The following AKAP11 variants were observed in gnomAD, a reference collection of about 807,000 sequenced individuals.
AKAP11 encodes A-kinase anchor protein 11.
In AKAP11, 36 loss-of-function variants were observed where a neutral mutation model predicts 146.1. That is an observed-to-expected ratio of 0.25 (90% CI 0.19 to 0.33). AKAP11 has a LOEUF of 0.33. Among genes scored for constraint, AKAP11 ranks in the 10% least tolerant of loss-of-function variants. AKAP11 has a pLI of 1.00. For missense variants in AKAP11, 2,201 were observed against 2,197.0 expected (o/e 1.00, Z -0.04); for synonymous variants, 780 against 786.5 (o/e 0.99, Z 0.14).
At chr13:42,293,419 T>A (rs911756731) in intron 4 of AKAP11, among the ~76,000 whole-genome samples, 2 of 152,198 alleles carry the variant, frequency 1.3e-5, no homozygotes, top group African/African-American at 4.8e-5. Context: ...CTATTTGACG[T>A]CATTTCATAG....
At position 42,303,766 on chromosome 13, in the gene AKAP11, G is replaced by A. The variant is rs771955153; in HGVS notation, c.5020G>A (p.Asp1674Asn). The change falls in exon 8 of 13, where the codon GAC (aspartate) becomes AAC (asparagine). Residue 1674 changes from aspartate (D) to asparagine (N), a missense_variant. Around this residue, in one of 3 missense-constraint regions of AKAP11, gnomAD observed 1,867 missense variants for 1,833.5 expected, o/e 1.02. Transcript: ENST00000025301. ...GCTGAGCAGTACCAGCCTGGCAGCC[G>A]ACAGTGGGATCGGACAGGAGGGTGC... ...RELSSTSLAADSGIGQEGASF... is the reference protein window; with the variant it reads ...RELSSTSLAANSGIGQEGASF... The A allele has an allele frequency of 2.3e-5, 37 of 1,613,992 alleles. No homozygotes were observed. The highest frequency in any genetic ancestry group is 5.3e-5 in the African/African-American group (4 of 74,926).
chr13:42,272,765 T>C (rs571948293), intron 1 of AKAP11, among the ~76,000 whole-genome samples: 39 of 152,310 alleles, frequency 2.6e-4, no homozygotes, highest in Non-Finnish European at 3.5e-4. Context: ...CCTCAGAGTA[T>C]TGATATTTGG....
chr13:42,306,357 TG>T (rs897349491), intron 8 of AKAP11, among the ~76,000 whole-genome samples: 4 of 152,124 alleles, frequency 2.6e-5, no homozygotes, highest in Admixed American at 6.6e-5. Context: ...CCCACCCTCA[TG>T]GGAAGAAAAG....
At chr13:42,283,099 C>T (rs1233057545) in intron 1 of AKAP11, among the ~76,000 whole-genome samples, 1 of 152,134 alleles carries the variant, frequency 6.6e-6, no homozygotes, top group Non-Finnish European at 1.5e-5. Flanking sequence ...GCATCATTTC[C>T]AAAGATGATT....
chr13:42,301,472 A>G lies in AKAP11; in HGVS notation c.2726A>G (p.Lys909Arg). 6.2e-7 allele frequency: 1 copy of G among 1,613,336 alleles called. No homozygotes were observed. The highest frequency in any genetic ancestry group is 8.5e-7 in the Non-Finnish European group (1 of 1,179,794). ...GATGAACGTACAGATTATTTAACTAAATCTTTAAAGGAGAAAACCCCTCCA... is the reference window on the plus strand; with the variant it reads ...GATGAACGTACAGATTATTTAACTAGATCTTTAAAGGAGAAAACCCCTCCA... The part of the protein sequence containing the change: ...MVDERTDYLT[K>R]SLKEKTPPFS... The change falls in exon 8 of 13, where the codon AAA becomes AGA. Residue 909 changes from lysine to arginine, a missense_variant. Lys to Arg is a conservative substitution (Grantham distance 26). Coordinates refer to ENST00000025301, the MANE Select transcript of AKAP11 (RefSeq NM_016248.4).
chr13:42,300,147 T>G lies in AKAP11; in HGVS notation c.1401T>G (p.Phe467Leu), dbSNP rs1959774809. The G allele has an allele frequency of 4.3e-6, 7 of 1,614,000 alleles. No individual in the cohort carries two copies. In the East Asian group the frequency reaches 1.3e-4, roughly 31 times the overall value. ...GAGGCTGTACTCCAGCTGAATGTTT[T>G]TGCCAAACAGATATTGGTGGAGATA... ...PLGGCTPAEC[F>L]CQTDIGGDRI... is the part of the protein sequence containing the mutation. Residue 467 changes from phenylalanine to leucine, a missense_variant, in exon 8 of 13, where the codon TTT (phenylalanine) becomes TTG (leucine). Phe to Leu is a conservative substitution (Grantham distance 22). This residue lies in a region of AKAP11 where 1,867 missense variants were observed against 1,833.5 expected (regional missense o/e 1.02). Coordinates refer to ENST00000025301, the MANE Select transcript of AKAP11 (RefSeq NM_016248.4).
At chr13:42,306,480 A>G (rs1217992779) in intron 8 of AKAP11, among the ~76,000 whole-genome samples, 2 of 152,188 alleles carry the variant, frequency 1.3e-5, no homozygotes, top group East Asian at 3.8e-4. Flanking sequence ...GTGAGTAGAT[A>G]GCCCCTAAAG....
chr13:42,277,181 AG>A (rs1958943573), intron 1 of AKAP11, among the ~76,000 whole-genome samples: 1 of 152,252 alleles, frequency 6.6e-6, no homozygotes, highest in Non-Finnish European at 1.5e-5. Flanking sequence ...TATTTTTGAA[AG>A]TCAAATATAT....
intron 1 of AKAP11, among the ~76,000 whole-genome samples, chr13:42,276,171 C>A (rs146515840): frequency 7.9e-5 from 12 of 152,252 alleles, no homozygotes; most frequent in African/African-American, 2.6e-4. Flanking sequence ...GTGGATTATT[C>A]TTAGAGTAAC....
rs1379501379 is a variant in AKAP11 at position 42,286,322 on chromosome 13, A to G, written c.-27A>G. 1 of 1,524,212 alleles carries G rather than the reference A, an allele frequency of 6.6e-7. No homozygotes were observed. The highest frequency in any genetic ancestry group is 8.9e-7 in the Non-Finnish European group (1 of 1,121,534). 94.4% of individuals were successfully genotyped at this position (1,524,212 alleles called of 1,614,324 possible). The stretch of plus-strand genomic sequence containing the variant: ...TAGGTGTTTTGTGGATTAACTCTTC[A>G]TTGATTATATACAACAAAAAATAGT... On this transcript the variant is annotated 5_prime_UTR_variant, in exon 3 of 13. Coordinates refer to ENST00000025301, the MANE Select transcript of AKAP11 (RefSeq NM_016248.4).
chr13:42,288,942 AG>A (rs1203473067), intron 3 of AKAP11, among the ~76,000 whole-genome samples: 1 of 152,212 alleles, frequency 6.6e-6, no homozygotes, highest in Non-Finnish European at 1.5e-5. Context: ...GGGTGATGTG[AG>A]GACAGAATTT....
intron 9 of AKAP11, among the ~76,000 whole-genome samples, chr13:42,312,845 A>G (rs1368352203): frequency 6.6e-6 from 1 of 152,240 alleles, no homozygotes; most frequent in East Asian, 1.9e-4. Context: ...TTGAGAAGAA[A>G]GAAAAAACTC....
rs1961025358 is a variant in AKAP11, at chr13:42,320,218, G to T, written c.*990G>T. 6.6e-6 allele frequency: 1 copy of T among 152,204 alleles called. No homozygotes were observed. The highest frequency in any genetic ancestry group is 2.4e-5 in the African/African-American group (1 of 41,356). The allele number at this position is 152,204 out of a possible 1,614,324, so 9.4% of individuals were successfully genotyped here. On this transcript the variant is annotated 3_prime_UTR_variant, in exon 13 of 13. Coordinates refer to ENST00000025301, the MANE Select transcript of AKAP11 (RefSeq NM_016248.4). The stretch of plus-strand genomic sequence containing the variant: ...GAAATGCATTTAGAGAAGCCCAGTA[G>T]TTTTTATTGTTGGATTTTTGAAAAA...
At chr13:42,287,482 C>T (rs1396387358) in intron 3 of AKAP11, among the ~76,000 whole-genome samples, 2 of 152,116 alleles carry the variant, frequency 1.3e-5, no homozygotes, top group Non-Finnish European at 2.9e-5. Context: ...GACGGGGTTT[C>T]ACCGTGTTAG....
intron 8 of AKAP11, among the ~76,000 whole-genome samples, chr13:42,304,781 C>G (rs973519330): frequency 2.0e-5 from 3 of 149,000 alleles, no homozygotes; most frequent in Middle Eastern, 3.5e-3. Context: ...GATGGAGTCT[C>G]GCACTGTTGC....
At chr13:42,306,370 G>A (rs982023779) in intron 8 of AKAP11, among the ~76,000 whole-genome samples, 3 of 152,128 alleles carry the variant, frequency 2.0e-5, no homozygotes, top group Non-Finnish European at 4.4e-5. Context: ...GAAGAAAAGA[G>A]ACTGTCCTCT....
At chr13:42,288,054 A>G (rs1959179825) in intron 3 of AKAP11, among the ~76,000 whole-genome samples, 1 of 152,216 alleles carries the variant, frequency 6.6e-6, no homozygotes, top group Non-Finnish European at 1.5e-5. Flanking sequence ...TCCAGATATT[A>G]CATACTGTTT....
intron 1 of AKAP11, among the ~76,000 whole-genome samples, chr13:42,284,342 A>G (rs1486964183): frequency 6.6e-6 from 1 of 152,196 alleles, no homozygotes; most frequent in Non-Finnish European, 1.5e-5. Flanking sequence ...TGCAGGTGCC[A>G]CTTTACTTAG....
chr13:42,280,325 C>T lies in AKAP11; in HGVS notation c.-99-5661C>T, dbSNP rs1959032447. ...TATTCAACAGAATATTAATTTTTAA[C>T]ACTTGGCCATTTGGCATTTGGTCAA... is the stretch of plus-strand genomic sequence containing the variant. On this transcript the variant is annotated intron_variant, in intron 1 of 12. Transcript: ENST00000025301. Among the ~76,000 whole-genome samples, 2 of 152,180 alleles carry T rather than the reference C, an allele frequency of 1.3e-5. 1 individual carries two copies. The highest frequency in any genetic ancestry group is 4.1e-4 in the South Asian group (2 of 4,836).
Sources: gnomAD v4.1 joint callset for allele counts (sites outside exome capture counted in the v4.1 genomes callset) on GRCh38, gnomAD v4.1.1 for gene constraint, gnomAD v4.1.1 regional missense constraint, MANE v1.5 for transcripts, NCBI Gene and HGNC (gene_info 2026-07-23, HGNC 2026-07-21) for gene names.